The following SLC51B variants were observed in gnomAD, a reference collection of about 807,000 sequenced individuals.
SLC51B encodes SLC51 subunit beta.
Under a neutral mutation model 8.0 loss-of-function variants are expected in SLC51B, and 6 were observed. That is an observed-to-expected ratio of 0.75 (90% CI 0.41 to 1.48). The LOEUF (loss-of-function observed/expected upper bound fraction) is 1.48. SLC51B is among the 40% of genes most tolerant of loss of function. SLC51B has a pLI of 0.01. For synonymous variants in SLC51B, 61 were observed against 54.8 expected (o/e 1.11, Z -0.50); for missense variants, 150 against 149.7 (o/e 1.00, Z -0.01).
intron 1 of SLC51B, among the ~76,000 whole-genome samples, chr15:65,045,968 C>G (rs2086572004): frequency 6.6e-6 from 1 of 152,148 alleles, no homozygotes; most frequent in African/African-American, 2.4e-5. Context: ...GAGTTCGAGA[C>G]CACCCCGGCT....
At chr15:65,050,142 C>T in intron 2 of SLC51B, 41 bp downstream of exon 2, 7 of 1,500,940 alleles carry the variant, frequency 4.7e-6, no homozygotes, top group Non-Finnish European at 6.3e-6. Flanking sequence ...GGGGTGTGCC[C>T]CTCAACACAG....
chr15:65,048,150 CAG>C (rs2086601413), intron 1 of SLC51B, among the ~76,000 whole-genome samples: 1 of 151,264 alleles, frequency 6.6e-6, no homozygotes, highest in Non-Finnish European at 1.5e-5. Flanking sequence ...CACTGCACTC[CAG>C]CCTGGGCGAC....
intron 3 of SLC51B, among the ~76,000 whole-genome samples, chr15:65,052,399 C>CT (rs34021026): frequency 0.026 from 2,015 of 76,234 alleles, 106 homozygotes; most frequent in African/African-American, 0.074. Context: ...GCATCCTTGG[C>CT]TTTTTTTTTT....
Position 65,046,436 on chromosome 15 carries a change from C to A in SLC51B, c.-109+854C>A, listed in dbSNP as rs561914680. On this transcript the variant is annotated intron_variant, in intron 1 of 3. Transcript: ENST00000334287. ...AGTGAGCTGAGATCATGCCATTGCACTCCAGCCTGGGCAAAAAGAGTGAAA... is the reference window on the plus strand; with the variant it reads ...AGTGAGCTGAGATCATGCCATTGCAATCCAGCCTGGGCAAAAAGAGTGAAA... Among the ~76,000 whole-genome samples the A allele has an allele frequency of 2.5e-4, 38 of 152,256 alleles. No individual in the cohort carries two copies. The South Asian group carries it at 7.1e-3, about 28-fold the overall frequency.
rs1402149158 is a variant in SLC51B at position 65,053,274 on chromosome 15, T to TTTTA, written c.*113_*114insATTT. 4.1e-6 allele frequency: 6 copies of TTTTA among 1,450,594 alleles called. No homozygotes were observed. Among genetic ancestry groups the TTTTA allele is most frequent in the Non-Finnish European group, 5.4e-6 (6 of 1,105,498 alleles). The allele number at this position is 1,450,594 out of a possible 1,614,324, so 89.9% of individuals were successfully genotyped here. On this transcript the variant is annotated 3_prime_UTR_variant, in exon 4 of 4. Coordinates refer to ENST00000334287, the MANE Select transcript of SLC51B (RefSeq NM_178859.4). ...CTCTCCCAAGAAGCCGCTTTTTTCT[T>TTTTA]TTTCTTTCTTTCTTTTTTTTTTTCT...
chr15:65,046,535 C>A (rs1460301577), intron 1 of SLC51B, among the ~76,000 whole-genome samples: 1 of 152,198 alleles, frequency 6.6e-6, no homozygotes, highest in African/African-American at 2.4e-5. Context: ...AGGGCTGACT[C>A]TCGGTTCTGG....
intron 2 of SLC51B, among the ~76,000 whole-genome samples, chr15:65,050,714 A>G (rs1450632308): frequency 2.6e-5 from 4 of 152,042 alleles, no homozygotes; most frequent in Non-Finnish European, 5.9e-5. Flanking sequence ...TACAGCATGG[A>G]CAAATCTTGA....
At chr15:65,052,104 T>C (rs554451634) in intron 3 of SLC51B, among the ~76,000 whole-genome samples, 1 of 152,214 alleles carries the variant, frequency 6.6e-6, no homozygotes, top group East Asian at 1.9e-4. Context: ...ATTAAGGAAG[T>C]GGGCAGTGGG....
At chr15:65,047,844 C>T (rs2086597673) in intron 1 of SLC51B, among the ~76,000 whole-genome samples, 1 of 149,964 alleles carries the variant, frequency 6.7e-6, no homozygotes, top group South Asian at 2.1e-4. Context: ...TAGAATCTCC[C>T]TCAAATGAGT....
intron 3 of SLC51B, among the ~76,000 whole-genome samples, chr15:65,052,465 A>G (rs777994520): frequency 1.4e-5 from 2 of 142,384 alleles, no homozygotes; most frequent in Non-Finnish European, 3.0e-5. Flanking sequence ...CAGTGGCACA[A>G]TCTCGGCTCA....
chr15:65,048,735 G>A (rs906179813), intron 1 of SLC51B, among the ~76,000 whole-genome samples: 4 of 152,120 alleles, frequency 2.6e-5, no homozygotes, highest in African/African-American at 7.2e-5. Context: ...TGGGTCAGGC[G>A]CGGTGGCTCA....
At chr15:65,048,468 T>A (rs2086605341) in intron 1 of SLC51B, among the ~76,000 whole-genome samples, 1 of 152,230 alleles carries the variant, frequency 6.6e-6, no homozygotes, top group Non-Finnish European at 1.5e-5. Context: ...CCTGGCTAAG[T>A]GTCCAAAGGC....
At chr15:65,052,675 G>A (rs757718013) in intron 3 of SLC51B, among the ~76,000 whole-genome samples, 6 of 152,128 alleles carry the variant, frequency 3.9e-5, no homozygotes, top group African/African-American at 7.2e-5. Flanking sequence ...GGGATTACAG[G>A]TGTGAGCCAC....
intron 1 of SLC51B, 71 bp from the exon 2 acceptor site, chr15:65,049,826 T>G: frequency 2.0e-6 from 1 of 489,154 alleles, no homozygotes; most frequent in South Asian, 3.0e-5. Context: ...CCAGAGGAGA[T>G]CTGGATTTGG....
chr15:65,050,794 C>CTGCCTTCT (rs2086639232), intron 2 of SLC51B, among the ~76,000 whole-genome samples: 1 of 150,172 alleles, frequency 6.7e-6, no homozygotes, highest in South Asian at 2.1e-4. Context: ...ACCCTTCTCC[C>CTGCCTTCT]TGCCTTCTTT....
Position 65,053,238 on chromosome 15 carries a change from G to T in SLC51B, c.*74G>T, listed in dbSNP as rs2086679367. ...CAGCTCAGTGGCCTGAAACCTCTCA[G>T]GTTTTAGAGTCTCTCCCAAGAAGCC... is the stretch of plus-strand genomic sequence containing the variant. On this transcript the variant is annotated 3_prime_UTR_variant, in exon 4 of 4. Transcript: ENST00000334287. 6.5e-7 allele frequency: 1 copy of T among 1,537,456 alleles called. No homozygotes were observed. The highest frequency in any genetic ancestry group is 8.7e-7 in the Non-Finnish European group (1 of 1,147,590).
chr15:65,047,779 CAG>C (rs2086595338), intron 1 of SLC51B, among the ~76,000 whole-genome samples: 1 of 141,942 alleles, frequency 7.0e-6, no homozygotes, highest in Non-Finnish European at 1.5e-5. Context: ...GATAGATAGA[CAG>C]ATAGATCGAT....
At position 65,053,260 on chromosome 15, in the gene SLC51B, A is replaced by T; in HGVS notation, c.*96A>T. 1 of 1,485,644 alleles carries T rather than the reference A, an allele frequency of 6.7e-7. No individual in the cohort carries two copies. The highest frequency in any genetic ancestry group is 2.4e-5 in the East Asian group (1 of 42,162). 92.0% of individuals were successfully genotyped at this position (1,485,644 alleles called of 1,614,324 possible). A position where few individuals can be genotyped will look rare whatever the true frequency, so the allele number is the denominator to read the frequency against. On this transcript the variant is annotated 3_prime_UTR_variant, in exon 4 of 4. Transcript: ENST00000334287. Reference sequence around the variant, plus strand: ...TCAGGTTTTAGAGTCTCTCCCAAGAAGCCGCTTTTTTCTTTTTCTTTCTTT... The same window carrying T: ...TCAGGTTTTAGAGTCTCTCCCAAGATGCCGCTTTTTTCTTTTTCTTTCTTT...
At position 65,053,113 on chromosome 15, in the gene SLC51B, G is replaced by A. The variant is rs1308488490; in HGVS notation, c.336G>A (p.Glu112=). Residue 112 remains glutamate (E), a synonymous_variant, in exon 4 of 4, where the codon GAG becomes GAA. Coordinates refer to ENST00000334287, the MANE Select transcript of SLC51B (RefSeq NM_178859.4). The part of the protein sequence containing the change: ...NLAQVELELK[E]RDVLSVFLPD... ...CCCAGGTGGAACTTGAGTTAAAAGA[G>A]AGAGATGTGCTGTCAGTTTTCCTTC... 1 of 1,614,070 alleles carries A rather than the reference G, an allele frequency of 6.2e-7. No homozygotes were observed. Among genetic ancestry groups the A allele is most frequent in the Non-Finnish European group, 8.5e-7 (1 of 1,180,052 alleles).
Sources: allele counts gnomAD v4.1 joint callset (sites outside exome capture counted in the v4.1 genomes callset), GRCh38; gene constraint gnomAD v4.1.1; transcripts MANE v1.5; gene names NCBI Gene and HGNC (gene_info 2026-07-23, HGNC 2026-07-21).